MTG1: variants seen among roughly 807,000 people sequenced by gnomAD.
MTG1 encodes the protein mitochondrial ribosome-associated GTPase 1.
In MTG1, 30 loss-of-function variants were observed where a neutral mutation model predicts 39.5. The observed-to-expected ratio is 0.76, with a 90% CI of 0.57 to 1.03. MTG1 has a LOEUF of 1.03. MTG1 is among the 50% of genes least tolerant of loss of function. MTG1 has a pLI of 0.00. For synonymous variants in MTG1, 217 were observed against 179.0 expected, an observed-to-expected ratio of 1.21 and a Z score of -1.69; for missense variants, 513 against 447.4, an observed-to-expected ratio of 1.15 and a Z score of -1.32.
intron 3 of MTG1, among the ~76,000 whole-genome samples, chr10:133,397,683 T>C (rs1430894794): frequency 6.6e-6 from 1 of 152,030 alleles, no homozygotes; most frequent in African/African-American, 2.4e-5. Context: ...TTTCACTGTG[T>C]TAGCCAGGAT....
At chr10:133,419,228 C>T (rs972426458) in intron 9 of MTG1, among the ~76,000 whole-genome samples, 1 of 152,168 alleles carries the variant, frequency 6.6e-6, no homozygotes, top group Non-Finnish European at 1.5e-5. Context: ...TGGTGGGAGC[C>T]GCCCCCCATG....
At position 133,420,600 on chromosome 10, in the gene MTG1, G is replaced by A. The variant is rs139697129; in HGVS notation, c.*435G>A. ...AACCTAAGAAATGAGCAGGTTGGCA[G>A]CTAGGGTTTGTGTTGGAGGCTTTCG... On this transcript the variant is annotated 3_prime_UTR_variant, in exon 11 of 11. Coordinates refer to ENST00000317502, the MANE Select transcript of MTG1 (RefSeq NM_138384.4). 1 of 162,874 alleles carries A rather than the reference G, an allele frequency of 6.1e-6. No individual in the cohort carries two copies. The highest frequency in any genetic ancestry group is 2.4e-5 in the African/African-American group (1 of 41,926). The allele number at this position is 162,874 out of a possible 1,614,324, so 10.1% of individuals were successfully genotyped here.
Position 133,402,442 on chromosome 10 carries a change from T to C in MTG1, c.670+197T>C. ...ACAGGCACTGGTCACCATTCCACCC[T>C]GCCCCATGAGTGGCCTTCCCTTTCC... On this transcript the variant is annotated intron_variant, in intron 8 of 10. Transcript: ENST00000317502. This position sits in a 1 kb window ranked among gnomAD's most constrained non-coding sequence, Gnocchi z 4.7. 1.4e-6 allele frequency: 1 copy of C among 713,210 alleles called. No homozygotes were observed. Among genetic ancestry groups the C allele is most frequent in the South Asian group, 1.7e-5 (1 of 57,348 alleles). 44.2% of individuals were successfully genotyped at this position (713,210 alleles called of 1,614,324 possible).
At chr10:133,416,738 A>AT (rs1204264260) in intron 9 of MTG1, among the ~76,000 whole-genome samples, 165 of 146,200 alleles carry the variant, frequency 1.1e-3, no homozygotes, top group African/African-American at 4.0e-3. Context: ...TGAACTCATC[A>AT]TTTTTTATGG....
chr10:133,402,823 C>T lies in MTG1; in HGVS notation c.752+50C>T. On this transcript the variant is annotated intron_variant, in intron 9 of 10. Coordinates refer to ENST00000317502, the MANE Select transcript of MTG1 (RefSeq NM_138384.4). The surrounding 1 kb of genome is among the most constrained non-coding windows in gnomAD (Gnocchi z 4.7). Reference sequence around the variant, plus strand: ...CTGGGGCCCCTCCTCCTAGTCACCTCATTTAAAAAAAAAAAACAAACAAAA... The same window carrying T: ...CTGGGGCCCCTCCTCCTAGTCACCTTATTTAAAAAAAAAAAACAAACAAAA... 6 of 1,212,170 alleles carry T rather than the reference C, an allele frequency of 4.9e-6. No homozygotes were observed. The highest frequency in any genetic ancestry group is 6.9e-6 in the Non-Finnish European group (6 of 870,336). The allele number at this position is 1,212,170 out of a possible 1,614,324, so 75.1% of individuals were successfully genotyped here.
In MTG1 at chr10:133,407,297, A is replaced by T. The variant is rs537661452; in HGVS notation, c.752+4524A>T. ...TGGGGCCTTTAGTGGTGCCATACAA[A>T]TTTTAGGATTGTTTTTCTATTTCTT... On this transcript the variant is annotated intron_variant, in intron 9 of 10. Coordinates refer to ENST00000317502, the MANE Select transcript of MTG1 (RefSeq NM_138384.4). Among the ~76,000 whole-genome samples the T allele has an allele frequency of 5.6e-4, 86 of 152,278 alleles. No homozygotes were observed. In the South Asian group the frequency reaches 0.017, roughly 30 times the overall value.
At chr10:133,415,190 AGGGAGC>A (rs1233870789) in intron 9 of MTG1, among the ~76,000 whole-genome samples, 3 of 151,934 alleles carry the variant, frequency 2.0e-5, no homozygotes, top group African/African-American at 4.8e-5. Context: ...GGAGAGGGAG[AGGGAGC>A]GGAGCGGGAG....
Position 133,395,757 on chromosome 10 carries a change from A to T in MTG1, c.157A>T (p.Ile53Phe), listed in dbSNP as rs747179497. 1.2e-6 allele frequency: 2 copies of T among 1,614,034 alleles called. No homozygotes were observed. The highest frequency in any genetic ancestry group is 2.2e-5 in the South Asian group (2 of 91,074). ...CAGCCTGAAGCTGGTGGACTGTATC[A>T]TCGAGGTCCACGATGCCCGGATATC... Reference protein sequence around the residue: ...QSSLKLVDCIIEVHDARIPLS... With the variant: ...QSSLKLVDCIFEVHDARIPLS... Residue 53 changes from isoleucine (I) to phenylalanine (F), a missense_variant, in exon 2 of 11, where the codon ATC becomes TTC. Coordinates refer to ENST00000317502, the MANE Select transcript of MTG1 (RefSeq NM_138384.4).
At chr10:133,404,622 T>C (rs1849943122) in intron 9 of MTG1, among the ~76,000 whole-genome samples, 1 of 152,192 alleles carries the variant, frequency 6.6e-6, no homozygotes, top group Admixed American at 6.5e-5. Flanking sequence ...CTAAGAAATC[T>C]TTGCTTAAAC....
At chr10:133,401,767 A>G in intron 7 of MTG1, 177 bp downstream of exon 7, 1 of 726,354 alleles carries the variant, frequency 1.4e-6, no homozygotes, top group Non-Finnish European at 2.5e-6. Flanking sequence ...CAGTCGTCAT[A>G]GTCTTTGCGC....
At chr10:133,413,823 T>C (rs1024070406) in intron 9 of MTG1, among the ~76,000 whole-genome samples, 8 of 152,168 alleles carry the variant, frequency 5.3e-5, no homozygotes, top group African/African-American at 1.7e-4. Context: ...CATACAGTTA[T>C]CTTTTAAAGA....
chr10:133,410,584 C>CA (rs1252515929), intron 9 of MTG1, among the ~76,000 whole-genome samples: 1 of 152,162 alleles, frequency 6.6e-6, no homozygotes, highest in East Asian at 1.9e-4. Context: ...ATCAGGCTTA[C>CA]AAAAAGCATT....
At chr10:133,400,424 C>G (rs1379368360) in intron 6 of MTG1, among the ~76,000 whole-genome samples, 1 of 152,240 alleles carries the variant, frequency 6.6e-6, no homozygotes, top group Non-Finnish European at 1.5e-5. Flanking sequence ...GCACCCTTCA[C>G]TGCCCCGTGG....
chr10:133,415,870 G>A (rs1850116863), intron 9 of MTG1, among the ~76,000 whole-genome samples: 1 of 151,702 alleles, frequency 6.6e-6, no homozygotes, highest in Non-Finnish European at 1.5e-5. Flanking sequence ...TGGGTATCAG[G>A]CATGCAGTTA....
Position 133,411,417 on chromosome 10 carries a change from G to T in MTG1, c.753-8063G>T, listed in dbSNP as rs116668055. Among the ~76,000 whole-genome samples the T allele has an allele frequency of 2.3e-3, 343 of 152,154 alleles. 4 individuals are homozygous for T. The highest frequency in any genetic ancestry group is 8.0e-3 in the African/African-American group (333 of 41,510). On this transcript the variant is annotated intron_variant, in intron 9 of 10. Coordinates refer to ENST00000317502, the MANE Select transcript of MTG1 (RefSeq NM_138384.4). The stretch of plus-strand genomic sequence containing the variant: ...AGAGTTTGATTATTATATTCTGTAG[G>T]GTAGTTTTATTTGGGTTAAATCTGT...
intron 9 of MTG1, among the ~76,000 whole-genome samples, chr10:133,411,046 C>CT (rs1850038932): frequency 6.6e-6 from 1 of 152,180 alleles, no homozygotes. Context: ...TGTGTGTTTA[C>CT]TTTTGCCAGT....
At position 133,408,494 on chromosome 10, in the gene MTG1, A is replaced by C. The variant is rs1484145602; in HGVS notation, c.752+5721A>C. On this transcript the variant is annotated intron_variant, in intron 9 of 10. Transcript: ENST00000317502. Reference sequence around the variant, plus strand: ...GAGGATTTCTGCATCTGTGTTCATCAGGGATATTGGCCTGTCGTTTTCTTT... The same window carrying C: ...GAGGATTTCTGCATCTGTGTTCATCCGGGATATTGGCCTGTCGTTTTCTTT... 1.4e-4 allele frequency among the ~76,000 whole-genome samples: 22 copies of C among 152,204 alleles called. 1 individual carries two copies. Among genetic ancestry groups the C allele is most frequent in the Admixed American group, 1.4e-3 (22 of 15,284 alleles).
intron 9 of MTG1, among the ~76,000 whole-genome samples, chr10:133,415,594 G>C (rs147138249): frequency 6.6e-6 from 1 of 152,182 alleles, no homozygotes; most frequent in Non-Finnish European, 1.5e-5. Context: ...CTGATGAGCC[G>C]TCTGTGGTCG....
At position 133,421,407 on chromosome 10, in the gene MTG1, G is replaced by A. The variant is rs1850233377; in HGVS notation, c.*1242G>A. The A allele has an allele frequency of 6.5e-6, 1 of 153,192 alleles. No homozygotes were observed. Among genetic ancestry groups the A allele is most frequent in the Non-Finnish European group, 1.5e-5 (1 of 68,256 alleles). 9.5% of individuals were successfully genotyped at this position (153,192 alleles called of 1,614,324 possible). ...TGGTGCAGCTCAGCCCATTTTCCAG[G>A]TGGGCATCTGCAAAGTTGAGGGGGC... On this transcript the variant is annotated 3_prime_UTR_variant, in exon 11 of 11. Transcript: ENST00000317502.
Sources: allele counts gnomAD v4.1 joint callset (sites outside exome capture counted in the v4.1 genomes callset), GRCh38; gene constraint gnomAD v4.1.1; non-coding constraint Gnocchi (gnomAD v3.1); transcripts MANE v1.5; gene names NCBI Gene and HGNC (gene_info 2026-07-23, HGNC 2026-07-21).